The following ZNF385D variants were observed in gnomAD, a reference collection of about 807,000 sequenced individuals.
ZNF385D encodes the protein zinc finger protein 659.
ZNF385D carries 15 observed loss-of-function variants against 35.8 expected under a neutral mutation model. The ratio of observed to expected loss-of-function variants is 0.42; its 90% CI spans 0.28 to 0.64. The LOEUF is 0.64. Ranked by LOEUF, ZNF385D falls within the 30% of genes least tolerant of loss-of-function variation. The pLI, the probability that ZNF385D is intolerant of heterozygous loss-of-function variation, is 0.23. For missense variants in ZNF385D, 474 were observed against 494.6 expected (o/e 0.96, Z 0.39); for synonymous variants, 212 against 186.8 (o/e 1.13, Z -1.10).
At chr3:21,976,455 T>A (rs908476111) in intron 3 of ZNF385D, among the ~76,000 whole-genome samples, 1 of 152,084 alleles carries the variant, frequency 6.6e-6, no homozygotes. Context: ...CTAAAATTGA[T>A]AGCATGATAG....
At chr3:21,917,602 G>C (rs1178991194) in intron 3 of ZNF385D, among the ~76,000 whole-genome samples, 1 of 152,134 alleles carries the variant, frequency 6.6e-6, no homozygotes. Flanking sequence ...GCTGTGCTTT[G>C]GTTGACTATA....
chr3:21,661,394 A>AT (rs1313018981), intron 2 of ZNF385D, among the ~76,000 whole-genome samples: 26 of 152,308 alleles, frequency 1.7e-4, no homozygotes, highest in African/African-American at 5.3e-4. Context: ...GGCAGAGGTC[A>AT]TAACATAATC....
At chr3:21,863,968 T>A (rs1409050358) in intron 3 of ZNF385D, among the ~76,000 whole-genome samples, 1 of 152,126 alleles carries the variant, frequency 6.6e-6, no homozygotes, top group Non-Finnish European at 1.5e-5. Flanking sequence ...AGATGCTACA[T>A]TTCCAACAAG....
At chr3:21,884,777 T>C (rs767891840) in intron 3 of ZNF385D, among the ~76,000 whole-genome samples, 24 of 152,040 alleles carry the variant, frequency 1.6e-4, no homozygotes, top group African/African-American at 5.6e-4. Context: ...TACAGGGAGA[T>C]TGAAATTGAC....
rs76594574 is a variant in ZNF385D, at chr3:22,303,723, C to T, written c.106+68727G>A. ...TTTAATGTAAAAAATCATATGCTCT[C>T]AATAATTTTATTTCCTCATTCTGAG... is the stretch of plus-strand genomic sequence containing the variant. On this transcript the variant is annotated intron_variant, in intron 2 of 5. Coordinates refer to the ZNF385D transcript ENST00000494108. Among the ~76,000 whole-genome samples the T allele has an allele frequency of 2.0e-3, 308 of 152,164 alleles. 1 individual carries two copies. The highest frequency in any genetic ancestry group is 7.2e-3 in the African/African-American group (297 of 41,510).
intron 3 of ZNF385D, among the ~76,000 whole-genome samples, chr3:21,903,801 G>A (rs1365789030): frequency 6.6e-6 from 1 of 152,104 alleles, no homozygotes; most frequent in Non-Finnish European, 1.5e-5. Flanking sequence ...AAGACTTTGT[G>A]CAGTCATGAG....
intron 3 of ZNF385D, among the ~76,000 whole-genome samples, chr3:22,112,819 T>G (rs1702604146): frequency 6.6e-6 from 1 of 151,544 alleles, no homozygotes; most frequent in South Asian, 2.1e-4. Flanking sequence ...ACTCAGGGAA[T>G]GAACTGTCAC....
intron 4 of ZNF385D, among the ~76,000 whole-genome samples, chr3:21,487,247 A>G (rs1006177453): frequency 6.6e-6 from 1 of 152,114 alleles, no homozygotes; most frequent in African/African-American, 2.4e-5. Flanking sequence ...AACATTCCAT[A>G]AAATATTGTG....
chr3:21,777,879 T>A (rs1250163503), intron 3 of ZNF385D: 2 of 151,766 alleles, frequency 1.3e-5, no homozygotes, highest in Non-Finnish European at 2.9e-5. Flanking sequence ...GAGAGACATG[T>A]GGAACAGAGA....
chr3:22,220,863 T>G (rs1698212024), intron 2 of ZNF385D, among the ~76,000 whole-genome samples: 2 of 152,210 alleles, frequency 1.3e-5, no homozygotes, highest in African/African-American at 4.8e-5. Context: ...TAATAGTTTT[T>G]GTTCTACTCC....
At chr3:21,818,486 T>G (rs928027978) in intron 3 of ZNF385D, among the ~76,000 whole-genome samples, 4 of 152,174 alleles carry the variant, frequency 2.6e-5, no homozygotes, top group African/African-American at 9.7e-5. Context: ...AAATTATTAA[T>G]TTGGGTGTTA....
chr3:21,926,930 C>T (rs1009421339), intron 3 of ZNF385D, among the ~76,000 whole-genome samples: 3 of 152,118 alleles, frequency 2.0e-5, no homozygotes, highest in Non-Finnish European at 4.4e-5. Context: ...CCAGAATCTA[C>T]AAAGAACTGT....
intron 3 of ZNF385D, among the ~76,000 whole-genome samples, chr3:22,135,994 C>T (rs1274869409): frequency 6.6e-6 from 1 of 152,286 alleles, no homozygotes; most frequent in African/African-American, 2.4e-5. Context: ...ACACCCTTGA[C>T]ATAAATATGC....
At chr3:22,305,792 C>A (rs1332914470) in intron 2 of ZNF385D, among the ~76,000 whole-genome samples, 2 of 152,186 alleles carry the variant, frequency 1.3e-5, no homozygotes, top group Non-Finnish European at 2.9e-5. Flanking sequence ...CCAATGATTA[C>A]TACACTAATT....
chr3:21,894,980 C>G (rs1699057145), intron 3 of ZNF385D, among the ~76,000 whole-genome samples: 1 of 151,898 alleles, frequency 6.6e-6, no homozygotes. Flanking sequence ...GAGAGGTGAG[C>G]ACAATAATGA....
intron 2 of ZNF385D, among the ~76,000 whole-genome samples, chr3:22,312,730 A>G (rs1394917006): frequency 8.1e-4 from 122 of 150,506 alleles, no homozygotes; most frequent in African/African-American, 2.9e-3. Flanking sequence ...TAGAATGGCA[A>G]TCATTAAAAA....
chr3:21,421,032 A>G lies in ZNF385D; in HGVS notation c.*182T>C, dbSNP rs1700709155. ...AATGCTTTAATTTGGAGAAAATACC[A>G]CTCCCTCCCTCCCACCCCCAAACCT... On this transcript the variant is annotated 3_prime_UTR_variant, in exon 8 of 8. Transcript: ENST00000281523. 3.3e-6 allele frequency: 1 copy of G among 306,034 alleles called. No homozygotes were observed. The highest frequency in any genetic ancestry group is 6.4e-6 in the Non-Finnish European group (1 of 155,430). The allele number at this position is 306,034 out of a possible 1,614,324, so 19.0% of individuals were successfully genotyped here.
intron 3 of ZNF385D, among the ~76,000 whole-genome samples, chr3:22,093,189 A>T (rs942942254): frequency 6.6e-6 from 1 of 152,130 alleles, no homozygotes; most frequent in African/African-American, 2.4e-5. Context: ...AATTGTGTCT[A>T]AATCACTTAG....
intron 2 of ZNF385D, among the ~76,000 whole-genome samples, chr3:22,202,229 AG>A (rs1436227259): frequency 6.6e-6 from 1 of 152,146 alleles, no homozygotes; most frequent in Non-Finnish European, 1.5e-5. Flanking sequence ...AGCTCATAGA[AG>A]AACCTATCAA....
Sources: gnomAD v4.1 joint callset for allele counts (sites outside exome capture counted in the v4.1 genomes callset) on GRCh38, gnomAD v4.1.1 for gene constraint, MANE v1.5 for transcripts, NCBI Gene and HGNC (gene_info 2026-07-23, HGNC 2026-07-21) for gene names.